ZFAND6: variants seen among roughly 807,000 people sequenced by gnomAD.
ZFAND6 encodes the protein zinc finger AN1-type containing 6, also known as AN1-type zinc finger protein 6.
ZFAND6 carries 12 observed loss-of-function variants against 24.5 expected under a neutral mutation model. That is an observed-to-expected ratio of 0.49 (90% CI 0.31 to 0.79). The LOEUF is 0.79. Ranked by LOEUF, ZFAND6 falls within the 30% of genes least tolerant of loss-of-function variation. The pLI, the probability that ZFAND6 is intolerant of heterozygous loss-of-function variation, is 0.04. For synonymous variants in ZFAND6, 92 were observed against 81.5 expected (o/e 1.13, Z -0.69); for missense variants, 207 against 245.9 (o/e 0.84, Z 1.06).
At chr15:80,124,432 CAAAAAA>C (rs879814034) in intron 5 of ZFAND6, among the ~76,000 whole-genome samples, 1 of 105,232 alleles carries the variant, frequency 9.5e-6, no homozygotes, top group Non-Finnish European at 2.0e-5. Context: ...GACTCCGTCT[CAAAAAA>C]AAAAAAAATT....
At chr15:80,133,095 G>C (rs1014524850) in intron 6 of ZFAND6, among the ~76,000 whole-genome samples, 3 of 152,000 alleles carry the variant, frequency 2.0e-5, no homozygotes, top group African/African-American at 7.3e-5. Flanking sequence ...GGCATACTAT[G>C]ATTCAAGAAA....
At chr15:80,118,964 A>C (rs1477109641) in intron 2 of ZFAND6, among the ~76,000 whole-genome samples, 1 of 152,230 alleles carries the variant, frequency 6.6e-6, no homozygotes, top group Non-Finnish European at 1.5e-5. Flanking sequence ...TCAGTGGCAA[A>C]ACATTTTCCT....
chr15:80,137,444 C>G (rs1466548600), intron 6 of ZFAND6, 36 bp from the exon 7 acceptor site: 2 of 1,574,374 alleles, frequency 1.3e-6, no homozygotes, highest in Non-Finnish European at 1.7e-6. Context: ...AATATTTCAT[C>G]CTTCAACTCA....
chr15:80,128,131 G>A (rs948754820), intron 5 of ZFAND6, among the ~76,000 whole-genome samples: 5 of 152,178 alleles, frequency 3.3e-5, no homozygotes, highest in Non-Finnish European at 7.3e-5. Flanking sequence ...TCTAAAACAG[G>A]CTAGTCATAC....
intron 1 of ZFAND6, among the ~76,000 whole-genome samples, chr15:80,061,089 T>G (rs1019886985): frequency 3.9e-5 from 6 of 152,248 alleles, no homozygotes; most frequent in Non-Finnish European, 5.9e-5. Flanking sequence ...TTCTGAGTTG[T>G]GTATAGTTTC....
At chr15:80,079,844 C>T (rs796693406) in intron 1 of ZFAND6, among the ~76,000 whole-genome samples, 10 of 149,916 alleles carry the variant, frequency 6.7e-5, no homozygotes, top group South Asian at 2.1e-4. Context: ...TTAGTAGAGT[C>T]GGGGTTTCAC....
At chr15:80,123,436 A>G (rs2040234456) in intron 5 of ZFAND6, among the ~76,000 whole-genome samples, 1 of 152,194 alleles carries the variant, frequency 6.6e-6, no homozygotes, top group South Asian at 2.1e-4. Context: ...GTTGTATTCT[A>G]GCAGTGTGTG....
chr15:80,099,688 C>G (rs2038933892), intron 2 of ZFAND6, among the ~76,000 whole-genome samples: 1 of 133,478 alleles, frequency 7.5e-6, no homozygotes, highest in African/African-American at 2.7e-5. Context: ...ACAATTTCTG[C>G]TCACTGCATC....
chr15:80,106,482 A>AT (rs764385063), intron 2 of ZFAND6, among the ~76,000 whole-genome samples: 4 of 152,116 alleles, frequency 2.6e-5, no homozygotes, highest in Non-Finnish European at 5.9e-5. Context: ...GCCTAGAATA[A>AT]TTGCTCTCTG....
At chr15:80,102,407 G>A (rs906050958) in intron 2 of ZFAND6, among the ~76,000 whole-genome samples, 13 of 152,150 alleles carry the variant, frequency 8.5e-5, no homozygotes, top group African/African-American at 2.9e-4. Context: ...GAGCCCCCGC[G>A]CCCAGCCTTG....
rs902832726 is a variant in ZFAND6 at position 80,098,455 on chromosome 15, T to A, written c.-141T>A. On this transcript the variant is annotated 5_prime_UTR_variant, in exon 2 of 7. Transcript: ENST00000261749. ...TCTGCTGCAGTAAAACACAGAAGGCTTTAAAATGTTTTCTTGCATAAAATT... is the reference window on the plus strand; with the variant it reads ...TCTGCTGCAGTAAAACACAGAAGGCATTAAAATGTTTTCTTGCATAAAATT... The A allele has an allele frequency of 2.0e-5, 3 of 152,168 alleles. No homozygotes were observed. The highest frequency in any genetic ancestry group is 7.2e-5 in the African/African-American group (3 of 41,436). The allele number at this position is 152,168 out of a possible 1,614,324, so 9.4% of individuals were successfully genotyped here. A position where few individuals can be genotyped will look rare whatever the true frequency, so the allele number is the denominator to read the frequency against.
At chr15:80,099,634 T>TC (rs1555431665) in intron 2 of ZFAND6, among the ~76,000 whole-genome samples, 1 of 148,598 alleles carries the variant, frequency 6.7e-6, no homozygotes, top group East Asian at 1.9e-4. Context: ...TTTTTTTTTT[T>TC]CGAGACGGAG....
intron 2 of ZFAND6, among the ~76,000 whole-genome samples, chr15:80,104,368 C>G (rs1380151031): frequency 2.6e-5 from 4 of 152,130 alleles, no homozygotes; most frequent in Non-Finnish European, 2.9e-5. Context: ...TCTAAAAATA[C>G]AAAAATTAGG....
intron 2 of ZFAND6, among the ~76,000 whole-genome samples, chr15:80,100,689 AT>A (rs1342545650): frequency 6.6e-6 from 1 of 152,102 alleles, no homozygotes; most frequent in Non-Finnish European, 1.5e-5. Flanking sequence ...CCTGTACGAA[AT>A]TCTGTCATTT....
intron 5 of ZFAND6, chr15:80,123,032 T>C (rs948477810): frequency 7.1e-6 from 3 of 421,694 alleles, no homozygotes; most frequent in Non-Finnish European, 1.3e-5. Flanking sequence ...TTGTTTAGTT[T>C]GGAAAATATA....
intron 1 of ZFAND6, among the ~76,000 whole-genome samples, chr15:80,080,858 T>C (rs1250495013): frequency 3.3e-5 from 5 of 152,148 alleles, no homozygotes; most frequent in Non-Finnish European, 7.3e-5. Flanking sequence ...CCACACACTT[T>C]TAAGCAGCCA....
At chr15:80,100,996 T>C (rs1428003139) in intron 2 of ZFAND6, among the ~76,000 whole-genome samples, 1 of 152,214 alleles carries the variant, frequency 6.6e-6, no homozygotes, top group Non-Finnish European at 1.5e-5. Flanking sequence ...GCTTGCAAAT[T>C]ATTATCATTA....
At chr15:80,060,500 C>T (rs936849795) in intron 1 of ZFAND6, 13 of 152,152 alleles carry the variant, frequency 8.5e-5, no homozygotes, top group Non-Finnish European at 1.5e-4. Flanking sequence ...AAGTCACGTG[C>T]TAACTATCCT....
At chr15:80,137,346 T>G in intron 6 of ZFAND6, 134 bp from the exon 7 acceptor site, 4 of 979,126 alleles carry the variant, frequency 4.1e-6, no homozygotes, top group South Asian at 2.2e-5. Context: ...ATGTAGTTTG[T>G]GAGACAGTGT....
Sources: gnomAD v4.1 joint callset for allele counts (sites outside exome capture counted in the v4.1 genomes callset) on GRCh38, gnomAD v4.1.1 for gene constraint, MANE v1.5 for transcripts, NCBI Gene and HGNC (gene_info 2026-07-23, HGNC 2026-07-21) for gene names.